The following RANBP2 variants were observed in gnomAD, a reference collection of about 807,000 sequenced individuals.
The protein encoded by RANBP2 is E3 SUMO-protein ligase RanBP2.
Under a neutral mutation model 303.6 loss-of-function variants are expected in RANBP2, and 57 were observed. The ratio of observed to expected loss-of-function variants is 0.19; its 90% CI spans 0.15 to 0.23. The LOEUF (loss-of-function observed/expected upper bound fraction) is 0.23. Ranked by LOEUF, RANBP2 falls within the 10% of genes least tolerant of loss-of-function variation. The pLI is 1.00. For missense variants in RANBP2, 3,138 were observed against 3,780.8 expected, an observed-to-expected ratio of 0.83 and a Z score of 4.46; for synonymous variants, 1,167 against 1,301.5, an observed-to-expected ratio of 0.90 and a Z score of 2.23.
chr2:108,746,941 A>G, intron 8 of RANBP2, 143 bp downstream of exon 8: 3 of 1,298,672 alleles, frequency 2.3e-6, no homozygotes, highest in Non-Finnish European at 3.1e-6. Flanking sequence ...AGCAATAGGT[A>G]TGGAAGAGAT....
chr2:109,293,857 C>T, the RANBP2 span, among the ~76,000 whole-genome samples: 1 of 152,232 alleles, frequency 6.6e-6, no homozygotes, highest in Non-Finnish European at 1.5e-5. Context: ...TCTTGCTCCT[C>T]TACCTCACAT....
At chr2:109,428,917 A>G in the RANBP2 span, among the ~76,000 whole-genome samples, 2 of 152,170 alleles carry the variant, frequency 1.3e-5, no homozygotes, top group African/African-American at 4.8e-5. Flanking sequence ...TCTCCCTGCC[A>G]TGCCAGACCC....
At chr2:109,169,779 C>T in the RANBP2 span, among the ~76,000 whole-genome samples, 2 of 151,646 alleles carry the variant, frequency 1.3e-5, no homozygotes, top group Admixed American at 6.6e-5. Flanking sequence ...CACATGACCC[C>T]CCAAAATCAA....
chr2:108,825,722 G>A, the RANBP2 span, among the ~76,000 whole-genome samples: 1 of 152,028 alleles, frequency 6.6e-6, no homozygotes, highest in Non-Finnish European at 1.5e-5. Flanking sequence ...TGGGTTGTTT[G>A]CATTTGTTGG....
the RANBP2 span, among the ~76,000 whole-genome samples, chr2:109,015,279 G>T: frequency 6.6e-6 from 1 of 151,668 alleles, no homozygotes; most frequent in Admixed American, 6.6e-5. Flanking sequence ...CCTTCTCTGC[G>T]ACCCAAGACA....
rs532592005 is a variant in RANBP2, at chr2:108,759,665, A to G, written c.2602+1117A>G. Among the ~76,000 whole-genome samples the G allele has an allele frequency of 7.2e-5, 11 of 151,996 alleles. No individual in the cohort carries two copies. The South Asian group carries it at 1.0e-3, about 14-fold the overall frequency. Reference sequence around the variant, plus strand: ...TGTGAAATCAAGCTTATTAAATGTCATAAGTCATAGATAAGTATATGAAAT... The same window carrying G: ...TGTGAAATCAAGCTTATTAAATGTCGTAAGTCATAGATAAGTATATGAAAT... On this transcript the variant is annotated intron_variant, in intron 18 of 28. Coordinates refer to ENST00000283195, the MANE Select transcript of RANBP2 (RefSeq NM_006267.5).
chr2:109,600,212 T>C, the RANBP2 span, among the ~76,000 whole-genome samples: 2 of 152,144 alleles, frequency 1.3e-5, no homozygotes, highest in Non-Finnish European at 2.9e-5. Flanking sequence ...CCTTCTTTCC[T>C]TGCACGGCTA....
chr2:109,664,290 G>T, the RANBP2 span, among the ~76,000 whole-genome samples: 1 of 152,134 alleles, frequency 6.6e-6, no homozygotes, highest in African/African-American at 2.4e-5. Context: ...TAACCTTTAT[G>T]AATATTTAGC....
chr2:109,270,820 G>A, the RANBP2 span, among the ~76,000 whole-genome samples: 1 of 152,230 alleles, frequency 6.6e-6, no homozygotes, highest in East Asian at 1.9e-4. Flanking sequence ...GTTACAGACA[G>A]AAGTCACAGT....
the RANBP2 span, among the ~76,000 whole-genome samples, chr2:109,585,517 G>A: frequency 6.6e-6 from 1 of 152,134 alleles, no homozygotes; most frequent in Admixed American, 6.5e-5. Context: ...TCAGGACTCT[G>A]ACAACAACAC....
At chr2:109,106,339 C>T in the RANBP2 span, among the ~76,000 whole-genome samples, 3 of 152,158 alleles carry the variant, frequency 2.0e-5, no homozygotes, top group Non-Finnish European at 2.9e-5. Context: ...AAACAAGCCA[C>T]CTCATTTCGT....
At chr2:108,741,168 T>C (rs1696047574) in intron 7 of RANBP2, among the ~76,000 whole-genome samples, 1 of 152,084 alleles carries the variant, frequency 6.6e-6, no homozygotes, top group Admixed American at 6.6e-5. Context: ...TATCTATTAA[T>C]CTTTGAAAAC....
chr2:108,729,071 T>C, intron 1 of RANBP2, 61 bp from the exon 2 acceptor site: 2 of 1,522,766 alleles, frequency 1.3e-6, no homozygotes, highest in Non-Finnish European at 1.8e-6. Flanking sequence ...TTTACTACTT[T>C]TGAAAAAATG....
Position 108,771,681 on chromosome 2 carries a change from T to G in RANBP2, c.7850-20T>G. 6.2e-7 allele frequency: 1 copy of G among 1,610,000 alleles called. No homozygotes were observed. Among genetic ancestry groups the G allele is most frequent in the Non-Finnish European group, 8.5e-7 (1 of 1,179,732 alleles). On this transcript the variant is annotated intron_variant, in intron 20 of 28. Coordinates refer to ENST00000283195, the MANE Select transcript of RANBP2 (RefSeq NM_006267.5). Reference sequence around the variant, plus strand: ...TACTTAATACCTTATCTTTGTCAATTTTTTTGACTGGTGTTACAGCAAAAG... The same window carrying G: ...TACTTAATACCTTATCTTTGTCAATGTTTTTGACTGGTGTTACAGCAAAAG...
chr2:109,677,660 C>A, the RANBP2 span, among the ~76,000 whole-genome samples: 1 of 152,232 alleles, frequency 6.6e-6, no homozygotes, highest in Admixed American at 6.5e-5. Flanking sequence ...GCCTTCTCTT[C>A]CCCTCTCTTT....
At chr2:108,881,785 C>T in the RANBP2 span, among the ~76,000 whole-genome samples, 3 of 152,168 alleles carry the variant, frequency 2.0e-5, no homozygotes, top group African/African-American at 7.2e-5. Flanking sequence ...ACAAATTCAT[C>T]AATTAAGTTT....
At chr2:109,226,284 A>G in the RANBP2 span, among the ~76,000 whole-genome samples, 4 of 152,208 alleles carry the variant, frequency 2.6e-5, no homozygotes, top group Non-Finnish European at 4.4e-5. Context: ...AAGAGTAGTT[A>G]TGTAAACAGA....
the RANBP2 span, among the ~76,000 whole-genome samples, chr2:109,233,679 A>G: frequency 1.3e-5 from 2 of 152,224 alleles, no homozygotes; most frequent in Admixed American, 6.5e-5. Context: ...ACCACACTCA[A>G]GATGCAGAGC....
chr2:109,152,215 T>C, the RANBP2 span, among the ~76,000 whole-genome samples: 1 of 152,226 alleles, frequency 6.6e-6, no homozygotes, highest in African/African-American at 2.4e-5. Context: ...AACTGTCACC[T>C]GTCAGGTGGT....
Sources: gnomAD v4.1 joint callset for allele counts (sites outside exome capture counted in the v4.1 genomes callset) on GRCh38, gnomAD v4.1.1 for gene constraint, MANE v1.5 for transcripts, NCBI Gene and HGNC (gene_info 2026-07-23, HGNC 2026-07-21) for gene names.